ULK4: variants seen among roughly 807,000 people sequenced by gnomAD.
The protein encoded by ULK4 is unc-51 like kinase 4.
A neutral mutation model predicts 160.6 loss-of-function variants in ULK4; 133 were observed. That is an observed-to-expected ratio of 0.83 (90% CI 0.72 to 0.96). The LOEUF (loss-of-function observed/expected upper bound fraction) is 0.96, where lower values mean the gene tolerates loss of function less well. Among genes scored for constraint, ULK4 ranks in the 40% least tolerant of loss-of-function variants. ULK4 has a pLI of 0.00. For missense variants in ULK4, 1,580 were observed against 1,499.5 expected, an observed-to-expected ratio of 1.05 and a Z score of -0.89; for synonymous variants, 534 against 539.8, an observed-to-expected ratio of 0.99 and a Z score of 0.15.
intron 17 of ULK4, among the ~76,000 whole-genome samples, chr3:41,848,767 T>C (rs184137648): frequency 2.6e-5 from 4 of 152,314 alleles, no homozygotes; most frequent in Admixed American, 1.3e-4. Flanking sequence ...AGCAGACTAT[T>C]CCAATCTTCT....
chr3:41,755,012 G>C (rs1332961855), intron 21 of ULK4, among the ~76,000 whole-genome samples: 1 of 152,080 alleles, frequency 6.6e-6, no homozygotes, highest in Non-Finnish European at 1.5e-5. Flanking sequence ...TTTAATTAAA[G>C]GTATAATTCA....
intron 1 of ULK4, among the ~76,000 whole-genome samples, chr3:41,957,790 T>C (rs184802989): frequency 8.1e-4 from 124 of 152,252 alleles, no homozygotes; most frequent in African/African-American, 2.9e-3. Context: ...TTCCACCACT[T>C]TGGGAGGCCA....
intron 32 of ULK4, among the ~76,000 whole-genome samples, chr3:41,480,923 C>G (rs2084302882): frequency 6.6e-6 from 1 of 152,192 alleles, no homozygotes; most frequent in South Asian, 2.1e-4. Flanking sequence ...CTGGAGATAA[C>G]TGTCCCCATG....
In ULK4 at chr3:41,681,526, C is replaced by T. The variant is rs776777590; in HGVS notation, c.2960G>A (p.Arg987Gln). The change falls in exon 29 of 37, where the codon CGA (arginine) becomes CAA (glutamine). Residue 987 changes from arginine to glutamine, a missense_variant. Coordinates refer to ENST00000301831, the MANE Select transcript of ULK4 (RefSeq NM_017886.4). ...DSDSNLLALI[R>Q]DVLLPQYEHI... ...TACTTACTGGGGAAGTAAGACATCT[C>T]GAATGAGAGCCAGAAGATTGCTGTC... 2 of 1,613,984 alleles carry T rather than the reference C, an allele frequency of 1.2e-6. No individual in the cohort carries two copies. Among genetic ancestry groups the T allele is most frequent in the Non-Finnish European group, 1.7e-6 (2 of 1,179,954 alleles).
rs1436898982 is a variant in ULK4 at position 41,343,259 on chromosome 3, C to T, written c.3678+54820G>A. Among the ~76,000 whole-genome samples, 7 of 149,170 alleles carry T rather than the reference C, an allele frequency of 4.7e-5. No individual in the cohort carries two copies. The East Asian group carries it at 1.2e-3, about 25-fold the overall frequency. ...ATCTTTGTTCACAGAAGACATGATCCTATATCTAGAAAATGCCATTGTCTC... is the reference window on the plus strand; with the variant it reads ...ATCTTTGTTCACAGAAGACATGATCTTATATCTAGAAAATGCCATTGTCTC... On this transcript the variant is annotated intron_variant, in intron 35 of 36. Transcript: ENST00000301831.
intron 30 of ULK4, among the ~76,000 whole-genome samples, chr3:41,656,967 G>C (rs2034957532): frequency 1.3e-5 from 2 of 152,178 alleles, no homozygotes; most frequent in South Asian, 4.1e-4. Context: ...TGCTTTCTCT[G>C]AGAGGAATGG....
At chr3:41,358,796 T>G (rs1372289375) in intron 35 of ULK4, among the ~76,000 whole-genome samples, 1 of 152,130 alleles carries the variant, frequency 6.6e-6, no homozygotes. Flanking sequence ...ACGGCTTGCA[T>G]GCCATAAACT....
At chr3:41,688,060 G>T (rs566882172) in intron 27 of ULK4, 4 of 152,280 alleles carry the variant, frequency 2.6e-5, no homozygotes, top group African/African-American at 9.6e-5. Context: ...CTTACGTCAA[G>T]AACTTCCTCC....
At chr3:41,376,759 T>A (rs1007324036) in intron 35 of ULK4, among the ~76,000 whole-genome samples, 14 of 150,352 alleles carry the variant, frequency 9.3e-5, no homozygotes, top group African/African-American at 3.5e-4. Context: ...TCCATGTTCA[T>A]GGGAAGGAAG....
intron 20 of ULK4, among the ~76,000 whole-genome samples, chr3:41,797,427 T>C (rs949745777): frequency 3.3e-5 from 5 of 152,132 alleles, no homozygotes; most frequent in South Asian, 2.1e-4. Flanking sequence ...CTATGGAGGT[T>C]TAATGAGGAA....
intron 32 of ULK4, among the ~76,000 whole-genome samples, chr3:41,499,028 T>A (rs912222091): frequency 2.0e-5 from 3 of 152,180 alleles, no homozygotes; most frequent in Admixed American, 6.5e-5. Flanking sequence ...TACAAATGGA[T>A]AAACCTCAAA....
intron 34 of ULK4, among the ~76,000 whole-genome samples, chr3:41,446,877 T>G (rs1265069159): frequency 6.7e-6 from 1 of 150,064 alleles, no homozygotes; most frequent in Non-Finnish European, 1.5e-5. Flanking sequence ...TAAAGCATAA[T>G]AAAAGAATAG....
At chr3:41,391,896 A>G (rs1258013553) in intron 35 of ULK4, among the ~76,000 whole-genome samples, 3 of 152,264 alleles carry the variant, frequency 2.0e-5, no homozygotes, top group South Asian at 4.2e-4. Flanking sequence ...TGCACCAGGT[A>G]GACGGGTGAG....
At chr3:41,266,368 C>G (rs956048818) in intron 35 of ULK4, among the ~76,000 whole-genome samples, 2 of 152,170 alleles carry the variant, frequency 1.3e-5, no homozygotes, top group Admixed American at 6.5e-5. Context: ...TCTAGAAAAG[C>G]CTCAGGCTGG....
intron 21 of ULK4, among the ~76,000 whole-genome samples, chr3:41,769,861 T>TA (rs2039295002): frequency 6.6e-6 from 1 of 152,138 alleles, no homozygotes; most frequent in Non-Finnish European, 1.5e-5. Flanking sequence ...TTGATCTGCT[T>TA]CAATGGTCAA....
chr3:41,815,553 T>C lies in ULK4; in HGVS notation c.1848+3870A>G, dbSNP rs538170693. Among the ~76,000 whole-genome samples the C allele has an allele frequency of 4.4e-4, 67 of 152,304 alleles. 1 individual carries two copies. Among genetic ancestry groups the C allele is most frequent in the African/African-American group, 1.5e-3 (62 of 41,568 alleles). On this transcript the variant is annotated intron_variant, in intron 19 of 36. Transcript: ENST00000301831. Reference sequence around the variant, plus strand: ...TGAAGGCAATACTCTGTAAATCAAGTGAGGACCTGCTTATGCTTTTAGCTT... The same window carrying C: ...TGAAGGCAATACTCTGTAAATCAAGCGAGGACCTGCTTATGCTTTTAGCTT...
intron 18 of ULK4, among the ~76,000 whole-genome samples, chr3:41,833,684 C>T (rs1025244012): frequency 3.3e-5 from 5 of 152,108 alleles, no homozygotes; most frequent in Admixed American, 2.6e-4. Flanking sequence ...TATAGGAATG[C>T]TTGTGATTTT....
chr3:41,630,812 G>A (rs2033710166), intron 30 of ULK4, among the ~76,000 whole-genome samples: 3 of 152,062 alleles, frequency 2.0e-5, no homozygotes, highest in Non-Finnish European at 4.4e-5. Flanking sequence ...AGCTGCTTCT[G>A]GCCTACTTGT....
chr3:41,304,414 TAGAA>T (rs1407691563), intron 35 of ULK4, among the ~76,000 whole-genome samples: 1 of 152,126 alleles, frequency 6.6e-6, no homozygotes, highest in African/African-American at 2.4e-5. Flanking sequence ...GAAGACAGTG[TAGAA>T]AGAGTCTATG....
Sources: allele counts gnomAD v4.1 joint callset (sites outside exome capture counted in the v4.1 genomes callset), GRCh38; gene constraint gnomAD v4.1.1; transcripts MANE v1.5; gene names NCBI Gene and HGNC (gene_info 2026-07-23, HGNC 2026-07-21).